Variants in NRIP1 observed in about 807,000 individuals in gnomAD.
The protein encoded by NRIP1 is nuclear receptor-interacting protein 1.
In NRIP1, 28 loss-of-function variants were observed where a neutral mutation model predicts 75.0. The observed-to-expected ratio is 0.37, with a 90% CI of 0.28 to 0.51. NRIP1 has a LOEUF of 0.51. Ranked by LOEUF, NRIP1 falls within the 20% of genes least tolerant of loss-of-function variation. NRIP1 has a pLI of 0.92. For synonymous variants in NRIP1, 526 were observed against 487.6 expected (o/e 1.08, Z -1.04); for missense variants, 1,435 against 1,343.7 (o/e 1.07, Z -1.06).
intron 1 of NRIP1, among the ~76,000 whole-genome samples, chr21:15,057,434 G>C (rs551530064): frequency 6.6e-6 from 1 of 152,168 alleles, no homozygotes; most frequent in Admixed American, 6.5e-5. Context: ...GAGCCTGTGC[G>C]GCAGCCCTTG....
In NRIP1 at chr21:14,963,633, G is replaced by GA. The variant is rs1349497696; in HGVS notation, c.*1082dup. ...CATAAGTCATGGTTCTCAAACACAA[G>GA]AAACACCTAGAGAGCATGTTAAGAT... On this transcript the variant is annotated 3_prime_UTR_variant, in exon 4 of 4. Coordinates refer to ENST00000318948, the MANE Select transcript of NRIP1 (RefSeq NM_003489.4). 1 of 152,082 alleles carries GA rather than the reference G, an allele frequency of 6.6e-6. No individual in the cohort carries two copies. The highest frequency in any genetic ancestry group is 2.4e-5 in the African/African-American group (1 of 41,440). 9.4% of individuals were successfully genotyped at this position (152,082 alleles called of 1,614,324 possible).
At chr21:15,016,832 C>T (rs1370270870) in intron 2 of NRIP1, among the ~76,000 whole-genome samples, 3 of 151,538 alleles carry the variant, frequency 2.0e-5, no homozygotes, top group East Asian at 3.9e-4. Context: ...TTGCAGTGAG[C>T]CAAGATCGCG....
chr21:14,968,310 C>G lies in NRIP1; in HGVS notation c.-118G>C, dbSNP rs2086816824. The G allele has an allele frequency of 2.9e-6, 2 of 678,358 alleles. No homozygotes were observed. The highest frequency in any genetic ancestry group is 2.9e-5 in the Admixed American group (1 of 34,056). 42.0% of individuals were successfully genotyped at this position (678,358 alleles called of 1,614,324 possible). A position where few individuals can be genotyped will look rare whatever the true frequency, so the allele number is the denominator to read the frequency against. On this transcript the variant is annotated 5_prime_UTR_variant, in exon 4 of 4. Coordinates refer to ENST00000318948, the MANE Select transcript of NRIP1 (RefSeq NM_003489.4). ...TCAGTTTATCACCTTCCATCGCAATCAGAGAGAGACGTACTGTTACATTCT... is the reference window on the plus strand; with the variant it reads ...TCAGTTTATCACCTTCCATCGCAATGAGAGAGAGACGTACTGTTACATTCT...
chr21:15,018,583 T>C (rs1028781549), intron 2 of NRIP1, among the ~76,000 whole-genome samples: 1 of 152,112 alleles, frequency 6.6e-6, no homozygotes, highest in Non-Finnish European at 1.5e-5. Context: ...AACTGAGAGA[T>C]GACCAAAGTA....
chr21:15,059,641 C>CA (rs1406159218), intron 1 of NRIP1, among the ~76,000 whole-genome samples: 1 of 151,786 alleles, frequency 6.6e-6, no homozygotes, highest in South Asian at 2.1e-4. Context: ...TTATTTCAAC[C>CA]AAAAAAAGAA....
chr21:15,038,248 T>TTTAA, intron 2 of NRIP1, among the ~76,000 whole-genome samples: 1 of 152,124 alleles, frequency 6.6e-6, no homozygotes, highest in Non-Finnish European at 1.5e-5. Flanking sequence ...TTGGTATGTC[T>TTTAA]TTAATTAAAT....
At chr21:14,996,837 A>G (rs1473557861) in intron 3 of NRIP1, among the ~76,000 whole-genome samples, 2 of 151,846 alleles carry the variant, frequency 1.3e-5, no homozygotes, top group Non-Finnish European at 2.9e-5. Flanking sequence ...GAAAACAATA[A>G]ATAAATATAT....
intron 3 of NRIP1, among the ~76,000 whole-genome samples, chr21:14,982,281 T>C (rs927878102): frequency 1.3e-5 from 2 of 152,298 alleles, no homozygotes; most frequent in Non-Finnish European, 2.9e-5. Flanking sequence ...ATTTGTTCTA[T>C]AGAAATTCTT....
At chr21:15,015,437 T>C (rs1271219789) in intron 2 of NRIP1, among the ~76,000 whole-genome samples, 1 of 152,192 alleles carries the variant, frequency 6.6e-6, no homozygotes, top group African/African-American at 2.4e-5. Context: ...CTTAACATGT[T>C]ATATGTCCGT....
At position 14,964,655 on chromosome 21, in the gene NRIP1, C is replaced by T; in HGVS notation, c.*61G>A. Reference sequence around the variant, plus strand: ...TTTTCAAATCATGCTCTTATTTATACAGATCTCAAGTTCATACTCATTAGT... The same window carrying T: ...TTTTCAAATCATGCTCTTATTTATATAGATCTCAAGTTCATACTCATTAGT... On this transcript the variant is annotated 3_prime_UTR_variant, in exon 4 of 4. Coordinates refer to ENST00000318948, the MANE Select transcript of NRIP1 (RefSeq NM_003489.4). 1.6e-6 allele frequency: 2 copies of T among 1,243,534 alleles called. No homozygotes were observed. The highest frequency in any genetic ancestry group is 1.6e-5 in the South Asian group (1 of 61,872). 77.0% of individuals were successfully genotyped at this position (1,243,534 alleles called of 1,614,324 possible). A position where few individuals can be genotyped will look rare whatever the true frequency, so the allele number is the denominator to read the frequency against.
chr21:15,053,612 G>T (rs1218157387), intron 1 of NRIP1, among the ~76,000 whole-genome samples: 2 of 152,098 alleles, frequency 1.3e-5, no homozygotes, highest in East Asian at 1.9e-4. Context: ...AACAATGAGG[G>T]AAAAAATTGT....
chr21:14,981,568 T>C (rs2087235451), intron 3 of NRIP1, among the ~76,000 whole-genome samples: 1 of 152,144 alleles, frequency 6.6e-6, no homozygotes, highest in Admixed American at 6.5e-5. Context: ...AGAGGCAGAT[T>C]AGCGGTCTAG....
chr21:14,966,642 G>A lies in NRIP1; in HGVS notation c.1551C>T (p.Thr517=), dbSNP rs1303507137. Residue 517 remains threonine (T), a synonymous_variant, in exon 4 of 4, where the codon ACC becomes ACT. Transcript: ENST00000318948. ...HKNEENVEKN[T]SPQGVHNDVS... is the part of the protein sequence containing the mutation. ...CATCATTGTGTACTCCCTGAGGGCT[G>A]GTGTTTTTTTCTACATTTTCTTCAT... 6.2e-7 allele frequency: 1 copy of A among 1,614,066 alleles called. No individual in the cohort carries two copies. Among genetic ancestry groups the A allele is most frequent in the Non-Finnish European group, 8.5e-7 (1 of 1,179,968 alleles).
chr21:14,970,713 T>C (rs2146956104), intron 3 of NRIP1, among the ~76,000 whole-genome samples: 1 of 152,288 alleles, frequency 6.6e-6, no homozygotes, highest in East Asian at 1.9e-4. Flanking sequence ...ATCATACCAG[T>C]CATTTGAAAA....
chr21:15,055,187 C>CT (rs1021643985), intron 1 of NRIP1, among the ~76,000 whole-genome samples: 16 of 152,132 alleles, frequency 1.1e-4, no homozygotes, highest in African/African-American at 3.9e-4. Context: ...GGTCCATAAA[C>CT]TTTGAGATAT....
intron 3 of NRIP1, among the ~76,000 whole-genome samples, chr21:14,973,657 A>C (rs1191955190): frequency 6.6e-6 from 1 of 150,918 alleles, no homozygotes; most frequent in African/African-American, 2.4e-5. Flanking sequence ...TTATCGTCTT[A>C]AGTGAAAATC....
chr21:15,001,880 T>G (rs2087856510), intron 3 of NRIP1, among the ~76,000 whole-genome samples: 1 of 152,182 alleles, frequency 6.6e-6, no homozygotes, highest in Non-Finnish European at 1.5e-5. Flanking sequence ...AGCTTGAATT[T>G]CATCTCTGCC....
intron 3 of NRIP1, among the ~76,000 whole-genome samples, chr21:15,003,622 G>A (rs1490020456): frequency 6.6e-6 from 1 of 152,158 alleles, no homozygotes; most frequent in Non-Finnish European, 1.5e-5. Flanking sequence ...GGTCGAACGG[G>A]TCAGCGTGTC....
Position 14,968,386 on chromosome 21 carries a change from G to A in NRIP1, c.-194C>T, listed in dbSNP as rs1203796961. 8 of 566,074 alleles carry A rather than the reference G, an allele frequency of 1.4e-5. No individual in the cohort carries two copies. The East Asian group carries it at 2.3e-4, about 17-fold the overall frequency. 35.1% of individuals were successfully genotyped at this position (566,074 alleles called of 1,614,324 possible). On this transcript the variant is annotated 5_prime_UTR_variant, in exon 4 of 4. Coordinates refer to ENST00000318948, the MANE Select transcript of NRIP1 (RefSeq NM_003489.4). The stretch of plus-strand genomic sequence containing the variant: ...AAGATAAATGCAGTCTGACCACAGT[G>A]CTGATCAACTTCTACGCAAGGAGGA...
Sources: allele counts gnomAD v4.1 joint callset (sites outside exome capture counted in the v4.1 genomes callset), GRCh38; gene constraint gnomAD v4.1.1; transcripts MANE v1.5; gene names NCBI Gene and HGNC (gene_info 2026-07-23, HGNC 2026-07-21).